The following CYBC1 variants were observed in gnomAD, a reference collection of about 807,000 sequenced individuals.
CYBC1 encodes the protein essential for reactive oxygen species protein.
Under a neutral mutation model 21.7 loss-of-function variants are expected in CYBC1, and 22 were observed. The observed-to-expected ratio is 1.02, with a 90% confidence interval of 0.73 to 1.45. The LOEUF (loss-of-function observed/expected upper bound fraction) is 1.45. Among genes scored for constraint, CYBC1 ranks in the 40% most tolerant of loss-of-function variants. The probability of loss-of-function intolerance (pLI) is 0.00; values close to 1 mark genes in which losing one functional copy is unlikely to be tolerated. For missense variants in CYBC1, 237 were observed against 242.1 expected, an observed-to-expected ratio of 0.98 and a Z score of 0.14; for synonymous variants, 112 against 98.7, an observed-to-expected ratio of 1.13 and a Z score of -0.80.
In CYBC1 at chr17:82,442,787, T is replaced by A. The variant is rs2054042151; in HGVS notation, c.*1217A>T. On this transcript the variant is annotated 3_prime_UTR_variant, in exon 7 of 7. Transcript: ENST00000306645. The surrounding 1 kb of genome is among the most constrained non-coding windows in gnomAD (Gnocchi z 6.8). ...AGACGTGGGGCAAAGGTGTTCCCTG[T>A]CCTACCCAGCCATTCCTGGGCCTGC... The A allele has an allele frequency of 1.8e-6, 1 of 566,382 alleles. No homozygotes were observed. Among genetic ancestry groups the A allele is most frequent in the Non-Finnish European group, 3.1e-6 (1 of 325,380 alleles). 35.1% of individuals were successfully genotyped at this position (566,382 alleles called of 1,614,324 possible).
In CYBC1 at chr17:82,446,614, C is replaced by T. The variant is rs375257998; in HGVS notation, c.201+9G>A. 3.3e-4 allele frequency: 536 copies of T among 1,613,910 alleles called. 1 individual carries two copies. The highest frequency in any genetic ancestry group is 4.4e-4 in the Non-Finnish European group (518 of 1,179,948). ...CCTGGACTCTGTCCCGCACCCGAGCCGGCCTTACCTCCCAGTCCTCCAAGT... is the reference window on the plus strand; with the variant it reads ...CCTGGACTCTGTCCCGCACCCGAGCTGGCCTTACCTCCCAGTCCTCCAAGT... On this transcript the variant is annotated intron_variant, in intron 4 of 6. Coordinates refer to ENST00000306645, the MANE Select transcript of CYBC1 (RefSeq NM_001033046.4).
intron 5 of CYBC1, chr17:82,444,982 G>C (rs1013093462): frequency 5.5e-6 from 1 of 181,052 alleles, no homozygotes; most frequent in Non-Finnish European, 1.2e-5. Context: ...CACCTCTTCG[G>C]GTACTGGGGC....
chr17:82,446,393 G>A (rs918014988), intron 4 of CYBC1, among the ~76,000 whole-genome samples: 6 of 152,234 alleles, frequency 3.9e-5, no homozygotes, highest in Admixed American at 3.3e-4. Flanking sequence ...AGATAGTCAT[G>A]GAGAGCTTCT....
chr17:82,446,604 G>C lies in CYBC1; in HGVS notation c.201+19C>G. Reference sequence around the variant, plus strand: ...GCTGAACAGCCCTGGACTCTGTCCCGCACCCGAGCCGGCCTTACCTCCCAG... The same window carrying C: ...GCTGAACAGCCCTGGACTCTGTCCCCCACCCGAGCCGGCCTTACCTCCCAG... On this transcript the variant is annotated intron_variant, in intron 4 of 6. Coordinates refer to ENST00000306645, the MANE Select transcript of CYBC1 (RefSeq NM_001033046.4). 6.2e-7 allele frequency: 1 copy of C among 1,613,100 alleles called. No individual in the cohort carries two copies. The highest frequency in any genetic ancestry group is 8.5e-7 in the Non-Finnish European group (1 of 1,179,280).
chr17:82,448,936 T>C, intron 2 of CYBC1: 2 of 535,958 alleles, frequency 3.7e-6, no homozygotes, highest in Non-Finnish European at 3.3e-6. Context: ...TCAGAAAAGC[T>C]CATAGAGTAT....
chr17:82,444,798 G>A (rs542304497), intron 5 of CYBC1: 17 of 601,480 alleles, frequency 2.8e-5, no homozygotes, highest in East Asian at 1.2e-4. Context: ...GGACGTGCCC[G>A]CGGTGCAGGC....
chr17:82,444,400 C>CCTGCTA, intron 6 of CYBC1, 47 bp downstream of exon 6: 4 of 1,566,464 alleles, frequency 2.6e-6, no homozygotes, highest in Non-Finnish European at 3.5e-6. Flanking sequence ...ACGGGAGTGA[C>CCTGCTA]CTGCTACGGC....
At chr17:82,444,835 G>T (rs1433183375) in intron 5 of CYBC1, 3 of 515,582 alleles carry the variant, frequency 5.8e-6, no homozygotes, top group African/African-American at 3.9e-5. Flanking sequence ...CAGCCCGCTG[G>T]TTCTCCTGGG....
chr17:82,449,131 C>CGGTTCTGG (rs752625478), intron 2 of CYBC1, 39 bp downstream of exon 2: 5 of 1,449,994 alleles, frequency 3.4e-6, no homozygotes, highest in African/African-American at 1.4e-5. Flanking sequence ...GTCAGGCTTC[C>CGGTTCTGG]GGTTCTGGGG....
intron 4 of CYBC1, 75 bp downstream of exon 4, chr17:82,446,548 T>A: frequency 6.8e-7 from 1 of 1,465,026 alleles, no homozygotes; most frequent in Non-Finnish European, 9.5e-7. Context: ...CCCTTCCTCC[T>A]CCTTTCATTC....
chr17:82,444,109 G>C lies in CYBC1; in HGVS notation c.459C>G (p.Ile153Met), dbSNP rs375281920. The part of the protein sequence containing the change: ...VMGHRSDVEA[I>M]AKLITSFLEL... Reference sequence around the variant, plus strand: ...CCAGGAAGCTGGTGATGAGCTTGGCGATGGCTTCCACATCACTGGGCGAGG... The same window carrying C: ...CCAGGAAGCTGGTGATGAGCTTGGCCATGGCTTCCACATCACTGGGCGAGG... Residue 153 changes from isoleucine (I) to methionine (M), a missense_variant, in exon 7 of 7, where the codon ATC becomes ATG. Coordinates refer to ENST00000306645, the MANE Select transcript of CYBC1 (RefSeq NM_001033046.4). The C allele has an allele frequency of 6.2e-7, 1 of 1,612,092 alleles. No individual in the cohort carries two copies. The highest frequency in any genetic ancestry group is 1.7e-5 in the Admixed American group (1 of 59,992).
chr17:82,447,831 A>T, intron 2 of CYBC1: 1 of 619,282 alleles, frequency 1.6e-6, no homozygotes, highest in South Asian at 1.9e-5. Flanking sequence ...GTAGTATCAC[A>T]CACTTGTAAT....
At position 82,442,765 on chromosome 17, in the gene CYBC1, C is replaced by G. The variant is rs182787465; in HGVS notation, c.*1239G>C. 5 of 640,416 alleles carry G rather than the reference C, an allele frequency of 7.8e-6. No individual in the cohort carries two copies. In the East Asian group the frequency reaches 1.4e-4, roughly 18 times the overall value. 39.7% of individuals were successfully genotyped at this position (640,416 alleles called of 1,614,324 possible). A position where few individuals can be genotyped will look rare whatever the true frequency, so the allele number is the denominator to read the frequency against. ...GGCTTTCACCGAGGTCACAGCCAGA[C>G]GTGGGGCAAAGGTGTTCCCTGTCCT... On this transcript the variant is annotated 3_prime_UTR_variant, in exon 7 of 7. Coordinates refer to ENST00000306645, the MANE Select transcript of CYBC1 (RefSeq NM_001033046.4). This position sits in a 1 kb window ranked among gnomAD's most constrained non-coding sequence, Gnocchi z 6.8.
At chr17:82,450,642 G>C (rs968444042) in intron 1 of CYBC1, 58 bp downstream of exon 1, 1 of 152,104 alleles carries the variant, frequency 6.6e-6, no homozygotes, top group Non-Finnish European at 1.5e-5. Context: ...TAAGGGTGCC[G>C]GGACGCGCGG....
chr17:82,446,646 C>T lies in CYBC1; in HGVS notation c.178G>A (p.Val60Met), dbSNP rs2054307863. ...FYVTGCLFVA[V>M]QNLEDWEEAI... Reference sequence around the variant, plus strand: ...ACCTCCCAGTCCTCCAAGTTCTGCACAGCCACAAACAGGCAGCCTGTGACG... The same window carrying T: ...ACCTCCCAGTCCTCCAAGTTCTGCATAGCCACAAACAGGCAGCCTGTGACG... Residue 60 changes from valine (V) to methionine (M), a missense_variant, in exon 4 of 7, where the codon GTG becomes ATG. Physicochemically the swap from Val to Met is conservative, Grantham distance 21. Coordinates refer to ENST00000306645, the MANE Select transcript of CYBC1 (RefSeq NM_001033046.4). 1 of 1,614,148 alleles carries T rather than the reference C, an allele frequency of 6.2e-7. No homozygotes were observed. The highest frequency in any genetic ancestry group is 8.5e-7 in the Non-Finnish European group (1 of 1,180,022).
At chr17:82,444,356 C>G in intron 6 of CYBC1, 91 bp downstream of exon 6, 1 of 1,521,708 alleles carries the variant, frequency 6.6e-7, no homozygotes, top group South Asian at 1.3e-5. Context: ...CTCATCTCCT[C>G]TCCCAGCTGC....
At chr17:82,449,147 G>C in intron 2 of CYBC1, 23 bp downstream of exon 2, 1 of 1,533,228 alleles carries the variant, frequency 6.5e-7, no homozygotes, top group Non-Finnish European at 8.8e-7. Flanking sequence ...TGGGGTTCTG[G>C]GGAGGGACGT....
rs2054109883 is a variant in CYBC1 at position 82,443,903 on chromosome 17, G to A, written c.*101C>T. ...CGGTGCACGGGCTCAGGCACACCGG[G>A]AATGTGCCACGGGTCCTGTGGGCGG... On this transcript the variant is annotated 3_prime_UTR_variant, in exon 7 of 7. Coordinates refer to ENST00000306645, the MANE Select transcript of CYBC1 (RefSeq NM_001033046.4). This position sits in a 1 kb window ranked among gnomAD's most constrained non-coding sequence, Gnocchi z 6.7. 1 of 856,650 alleles carries A rather than the reference G, an allele frequency of 1.2e-6. No individual in the cohort carries two copies. The highest frequency in any genetic ancestry group is 1.7e-5 in the African/African-American group (1 of 59,042). 53.1% of individuals were successfully genotyped at this position (856,650 alleles called of 1,614,324 possible). A position where few individuals can be genotyped will look rare whatever the true frequency, so the allele number is the denominator to read the frequency against.
rs768038164 is a variant in CYBC1 at position 82,443,783 on chromosome 17, G to A, written c.*221C>T. 2 of 894,080 alleles carry A rather than the reference G, an allele frequency of 2.2e-6. No individual in the cohort carries two copies. The highest frequency in any genetic ancestry group is 1.6e-5 in the African/African-American group (1 of 61,862). The allele number at this position is 894,080 out of a possible 1,614,324, so 55.4% of individuals were successfully genotyped here. Reference sequence around the variant, plus strand: ...AGCCAAGGCCACGGGTCCTGTGGGCGGTGCACGGGCTCAGGCACACCGGGA... The same window carrying A: ...AGCCAAGGCCACGGGTCCTGTGGGCAGTGCACGGGCTCAGGCACACCGGGA... On this transcript the variant is annotated 3_prime_UTR_variant, in exon 7 of 7. Coordinates refer to ENST00000306645, the MANE Select transcript of CYBC1 (RefSeq NM_001033046.4). This position sits in a 1 kb window ranked among gnomAD's most constrained non-coding sequence, Gnocchi z 6.7.
Sources: gnomAD v4.1 joint callset for allele counts (sites outside exome capture counted in the v4.1 genomes callset) on GRCh38, gnomAD v4.1.1 for gene constraint, Gnocchi (gnomAD v3.1) non-coding constraint, MANE v1.5 for transcripts, NCBI Gene and HGNC (gene_info 2026-07-23, HGNC 2026-07-21) for gene names.